DCLK2: variants seen among roughly 807,000 people sequenced by gnomAD.
The protein encoded by DCLK2 is doublecortin like kinase 2, also known as serine/threonine-protein kinase DCLK2.
Under a neutral mutation model 78.4 loss-of-function variants are expected in DCLK2, and 31 were observed. The ratio of observed to expected loss-of-function variants is 0.40; its 90% confidence interval spans 0.30 to 0.53. The LOEUF (loss-of-function observed/expected upper bound fraction) is 0.53. DCLK2 is among the 20% of genes least tolerant of loss of function. The pLI is 0.61. For missense variants in DCLK2, 872 were observed against 973.7 expected, an observed-to-expected ratio of 0.90 and a Z score of 1.39; for synonymous variants, 407 against 374.9, an observed-to-expected ratio of 1.09 and a Z score of -0.99.
chr4:150,092,392 C>A (rs994799444), intron 1 of DCLK2, among the ~76,000 whole-genome samples: 2 of 152,124 alleles, frequency 1.3e-5, no homozygotes, highest in African/African-American at 2.4e-5. Flanking sequence ...CACACTGTTT[C>A]CATAGCAGCC....
chr4:150,149,093 AAAAGAAAG>A (rs554232399), intron 2 of DCLK2, among the ~76,000 whole-genome samples: 4 of 151,524 alleles, frequency 2.6e-5, no homozygotes, highest in Non-Finnish European at 5.9e-5. Flanking sequence ...GAAAGAAAAG[AAAAGAAAG>A]AAAGAAAGAA....
intron 2 of DCLK2, among the ~76,000 whole-genome samples, chr4:150,143,858 G>A (rs62338191): frequency 0.3 from 45,164 of 151,690 alleles, 6,822 homozygotes; most frequent in East Asian, 0.34. Flanking sequence ...CTTTTGAGAA[G>A]TGTCTGTTCA....
chr4:150,160,154 T>C (rs928213849), intron 2 of DCLK2, among the ~76,000 whole-genome samples: 5 of 152,084 alleles, frequency 3.3e-5, no homozygotes, highest in African/African-American at 1.2e-4. Flanking sequence ...TAGCTGGGAC[T>C]ACAGACATGT....
intron 1 of DCLK2, 49 bp from the exon 2 acceptor site, chr4:150,102,429 T>A (rs779543844): frequency 1.3e-6 from 2 of 1,566,686 alleles, no homozygotes; most frequent in East Asian, 4.5e-5. Flanking sequence ...GACCAAATGC[T>A]TCTATGATAG....
At chr4:150,224,402 T>C in intron 7 of DCLK2, 99 bp from the exon 8 acceptor site, 1 of 1,043,600 alleles carries the variant, frequency 9.6e-7, no homozygotes. Context: ...ATCTCATCTC[T>C]ACAAAAAAAA....
At chr4:150,100,378 A>C (rs1246703055) in intron 1 of DCLK2, among the ~76,000 whole-genome samples, 1 of 152,232 alleles carries the variant, frequency 6.6e-6, no homozygotes, top group African/African-American at 2.4e-5. Flanking sequence ...TTTAGGAAGC[A>C]TCTCTCCTTG....
At chr4:150,219,370 C>T (rs758885526) in intron 5 of DCLK2, among the ~76,000 whole-genome samples, 17 of 148,416 alleles carry the variant, frequency 1.1e-4, no homozygotes, top group Non-Finnish European at 1.9e-4. Context: ...CCAGTTCAAG[C>T]GATTCTTATG....
At chr4:150,195,556 C>T (rs959284077) in intron 3 of DCLK2, among the ~76,000 whole-genome samples, 13 of 129,694 alleles carry the variant, frequency 1.0e-4, no homozygotes, top group African/African-American at 3.8e-4. Context: ...CATAATATTT[C>T]TTTGATGTCA....
chr4:150,247,634 C>T lies in DCLK2; in HGVS notation c.1810C>T (p.Gln604Ter). The T allele has an allele frequency of 6.2e-7, 1 of 1,614,052 alleles. No individual in the cohort carries two copies. Among genetic ancestry groups the T allele is most frequent in the Non-Finnish European group, 8.5e-7 (1 of 1,179,982 alleles). ...CAATCTCCAGGAAGATCTCTTCGAC[C>T]AGATCTTGGCTGGGAAGCTGGAGTT... ...ENNLQEDLFDQILAGKLEFPA... is the reference protein window; with the variant it reads ...ENNLQEDLFD Residue 604 changes from glutamine (Q) to a stop codon, truncating the protein, a stop_gained, in exon 13 of 16, where the codon CAG becomes TAG. Coordinates refer to ENST00000296550, the MANE Select transcript of DCLK2 (RefSeq NM_001040260.4). LOFTEE classifies it high-confidence loss of function.
At chr4:150,155,378 A>G (rs1387884125) in intron 2 of DCLK2, among the ~76,000 whole-genome samples, 1 of 152,226 alleles carries the variant, frequency 6.6e-6, no homozygotes, top group Non-Finnish European at 1.5e-5. Flanking sequence ...TTCTGTATAC[A>G]AGCTGAGGTA....
intron 1 of DCLK2, among the ~76,000 whole-genome samples, chr4:150,086,408 T>C (rs1202351103): frequency 6.6e-6 from 1 of 152,218 alleles, no homozygotes. Context: ...ATGCAGTATA[T>C]TTATGTCCCA....
At chr4:150,088,087 G>A (rs1407184606) in intron 1 of DCLK2, among the ~76,000 whole-genome samples, 1 of 152,148 alleles carries the variant, frequency 6.6e-6, no homozygotes, top group South Asian at 2.1e-4. Context: ...TTTCTCAAAG[G>A]CAGTCATTGA....
chr4:150,178,530 A>G (rs200167563), intron 2 of DCLK2, among the ~76,000 whole-genome samples: 40 of 2,182 alleles, frequency 0.018, no homozygotes, highest in African/African-American at 0.032. Flanking sequence ...TGCTCTAGGG[A>G]AAAAAAAAAA....
At chr4:150,218,399 G>A (rs1740909659) in intron 5 of DCLK2, among the ~76,000 whole-genome samples, 1 of 152,198 alleles carries the variant, frequency 6.6e-6, no homozygotes, top group African/African-American at 2.4e-5. Flanking sequence ...AATGTACATT[G>A]AAGTAGAAAT....
intron 8 of DCLK2, among the ~76,000 whole-genome samples, chr4:150,225,023 G>T (rs1423506252): frequency 6.6e-6 from 1 of 152,206 alleles, no homozygotes; most frequent in Non-Finnish European, 1.5e-5. Flanking sequence ...CCATAGTGGT[G>T]AGGCTGAGGA....
At chr4:150,190,594 G>A in intron 2 of DCLK2, among the ~76,000 whole-genome samples, 1 of 152,258 alleles carries the variant, frequency 6.6e-6, no homozygotes, top group South Asian at 2.1e-4. Flanking sequence ...TCCAGAACTG[G>A]CAAATCTGCA....
In DCLK2 at chr4:150,253,521, C is replaced by T. The variant is rs763648146; in HGVS notation, c.2074-2499C>T. On this transcript the variant is annotated intron_variant, in intron 15 of 15. Coordinates refer to ENST00000296550, the MANE Select transcript of DCLK2 (RefSeq NM_001040260.4). ...CACCTCAGAGTTTCCTTCTTTACCC[C>T]GCTGAGACAGTGGGAGAGCCTGAAG... 12 of 1,289,554 alleles carry T rather than the reference C, an allele frequency of 9.3e-6. No individual in the cohort carries two copies. The East Asian group carries it at 1.7e-4, about 18-fold the overall frequency. 79.9% of individuals were successfully genotyped at this position (1,289,554 alleles called of 1,614,324 possible). A position where few individuals can be genotyped will look rare whatever the true frequency, so the allele number is the denominator to read the frequency against.
At chr4:150,159,992 CTTTTT>C (rs34422399) in intron 2 of DCLK2, among the ~76,000 whole-genome samples, 1 of 146,856 alleles carries the variant, frequency 6.8e-6, no homozygotes, top group African/African-American at 2.5e-5. Context: ...TCTTTGATGA[CTTTTT>C]TTTTTTTAAT....
At chr4:150,111,756 C>T (rs1731711386) in intron 2 of DCLK2, among the ~76,000 whole-genome samples, 1 of 151,712 alleles carries the variant, frequency 6.6e-6, no homozygotes, top group Admixed American at 6.6e-5. Context: ...CCAGTGTATG[C>T]TTTGTCAAAG....
Sources: allele counts gnomAD v4.1 joint callset (sites outside exome capture counted in the v4.1 genomes callset), GRCh38; gene constraint gnomAD v4.1.1; transcripts MANE v1.5; gene names NCBI Gene and HGNC (gene_info 2026-07-23, HGNC 2026-07-21).